The following RASA2 variants were observed in gnomAD, a reference collection of about 807,000 sequenced individuals.
The protein encoded by RASA2 is ras GTPase-activating protein 2.
RASA2 carries 155 observed loss-of-function variants against 118.2 expected under a neutral mutation model. That is an observed-to-expected ratio of 1.31 (90% CI 1.15 to 1.50). RASA2 has a LOEUF of 1.50. RASA2 is among the 40% of genes most tolerant of loss of function. The probability of loss-of-function intolerance (pLI) is 0.00; values close to 1 mark genes in which losing one functional copy is unlikely to be tolerated. For synonymous variants in RASA2, 353 were observed against 349.1 expected, an observed-to-expected ratio of 1.01 and a Z score of -0.12; for missense variants, 1,016 against 1,009.6, an observed-to-expected ratio of 1.01 and a Z score of -0.09.
intron 4 of RASA2, among the ~76,000 whole-genome samples, chr3:141,531,266 T>G (rs1417516591): frequency 2.6e-5 from 4 of 151,906 alleles, no homozygotes; most frequent in African/African-American, 9.7e-5. Context: ...AACTCATAAA[T>G]TTTGTGAATT....
Position 141,512,368 on chromosome 3 carries a change from C to A in RASA2, c.251+88C>A, listed in dbSNP as rs2081964974. 8.4e-6 allele frequency: 8 copies of A among 952,924 alleles called. No individual in the cohort carries two copies. The Admixed American group carries it at 1.6e-4, about 19-fold the overall frequency. The allele number at this position is 952,924 out of a possible 1,614,324, so 59.0% of individuals were successfully genotyped here. ...TTCCAGATTATAATAATCAAGAAGA[C>A]AAGACAGAAACAGTGCTTGCTTTCA... is the stretch of plus-strand genomic sequence containing the variant. On this transcript the variant is annotated intron_variant, in intron 2 of 23. Coordinates refer to ENST00000286364, the MANE Select transcript of RASA2 (RefSeq NM_006506.5).
intron 19 of RASA2, among the ~76,000 whole-genome samples, chr3:141,596,757 C>T (rs529575969): frequency 7.9e-5 from 12 of 152,260 alleles, no homozygotes; most frequent in African/African-American, 2.9e-4. Flanking sequence ...CCATTTCACA[C>T]CAACTAGAGT....
intron 3 of RASA2, among the ~76,000 whole-genome samples, chr3:141,527,890 A>T (rs1412783374): frequency 6.6e-6 from 1 of 151,992 alleles, no homozygotes; most frequent in Non-Finnish European, 1.5e-5. Flanking sequence ...AAATTTAACC[A>T]AAAAAGAACT....
At chr3:141,596,206 T>C (rs558879179) in intron 19 of RASA2, among the ~76,000 whole-genome samples, 45 of 152,166 alleles carry the variant, frequency 3.0e-4, no homozygotes, top group Non-Finnish European at 5.9e-4. Context: ...AATGACAATA[T>C]GATACCTGGA....
At chr3:141,520,701 T>C (rs929167900) in intron 3 of RASA2, among the ~76,000 whole-genome samples, 1 of 152,204 alleles carries the variant, frequency 6.6e-6, no homozygotes, top group Non-Finnish European at 1.5e-5. Context: ...CAGATATATA[T>C]ACACACACAG....
At chr3:141,500,654 TACTC>T (rs2081765564) in intron 1 of RASA2, among the ~76,000 whole-genome samples, 1 of 152,238 alleles carries the variant, frequency 6.6e-6, no homozygotes, top group Non-Finnish European at 1.5e-5. Context: ...GCAGTAGTGA[TACTC>T]ATAAAGTATC....
In RASA2 at chr3:141,590,524, C is replaced by G. The variant is rs111458113; in HGVS notation, c.1933+3772C>G. On this transcript the variant is annotated intron_variant, in intron 19 of 23. Coordinates refer to ENST00000286364, the MANE Select transcript of RASA2 (RefSeq NM_006506.5). Reference sequence around the variant, plus strand: ...ATTAAAAGGCTTTGAATGAAAACGTCAGGACTTTCTCCTGTAAATAAAATA... The same window carrying G: ...ATTAAAAGGCTTTGAATGAAAACGTGAGGACTTTCTCCTGTAAATAAAATA... Among the ~76,000 whole-genome samples, 780 of 152,316 alleles carry G rather than the reference C, an allele frequency of 5.1e-3. 8 individuals are homozygous for G. The highest frequency in any genetic ancestry group is 0.018 in the African/African-American group (746 of 41,556).
intron 5 of RASA2, among the ~76,000 whole-genome samples, chr3:141,547,620 A>G (rs2082505095): frequency 6.6e-6 from 1 of 152,160 alleles, no homozygotes; most frequent in Non-Finnish European, 1.5e-5. Context: ...GGTTTTTTCC[A>G]AATAAGATCA....
chr3:141,515,614 T>C (rs1204567518), intron 2 of RASA2, among the ~76,000 whole-genome samples: 1 of 152,076 alleles, frequency 6.6e-6, no homozygotes, highest in East Asian at 1.9e-4. Context: ...GAAAGTGATA[T>C]TATTTGGCCA....
intron 1 of RASA2, among the ~76,000 whole-genome samples, chr3:141,488,483 C>T (rs566950741): frequency 2.0e-5 from 3 of 152,052 alleles, no homozygotes; most frequent in Non-Finnish European, 4.4e-5. Flanking sequence ...TCAGGTGGTT[C>T]ACGTATTTGG....
At position 141,552,992 on chromosome 3, in the gene RASA2, C is replaced by G. The variant is rs111507221; in HGVS notation, c.528-865C>G. Among the ~76,000 whole-genome samples the G allele has an allele frequency of 6.4e-3, 971 of 152,238 alleles. 13 individuals are homozygous for G. Among genetic ancestry groups the G allele is most frequent in the African/African-American group, 0.022 (933 of 41,550 alleles). Reference sequence around the variant, plus strand: ...AGGAACAAATCACTAAAGTTAGATTCTGTGTTCTCTGTAAATGCCAACAAC... The same window carrying G: ...AGGAACAAATCACTAAAGTTAGATTGTGTGTTCTCTGTAAATGCCAACAAC... On this transcript the variant is annotated intron_variant, in intron 5 of 23. Coordinates refer to ENST00000286364, the MANE Select transcript of RASA2 (RefSeq NM_006506.5).
intron 9 of RASA2, among the ~76,000 whole-genome samples, chr3:141,564,452 A>G (rs1200411410): frequency 6.6e-6 from 1 of 152,312 alleles, no homozygotes; most frequent in Non-Finnish European, 1.5e-5. Context: ...TTAGTTCAAT[A>G]GGAGGAAAAG....
intron 23 of RASA2, among the ~76,000 whole-genome samples, chr3:141,610,642 C>A (rs898071417): frequency 1.3e-4 from 19 of 150,652 alleles, no homozygotes; most frequent in African/African-American, 4.6e-4. Context: ...AAGTGTACAC[C>A]ACTGTGCCCA....
intron 2 of RASA2, among the ~76,000 whole-genome samples, chr3:141,513,152 G>C (rs2081977580): frequency 6.7e-6 from 1 of 149,724 alleles, no homozygotes; most frequent in Admixed American, 6.6e-5. Context: ...TGAATGCCAT[G>C]CCTTATCTGA....
At chr3:141,554,642 A>G (rs746819492) in intron 6 of RASA2, among the ~76,000 whole-genome samples, 10 of 152,204 alleles carry the variant, frequency 6.6e-5, no homozygotes, top group Non-Finnish European at 1.5e-4. Context: ...ACATACATGC[A>G]TACATACACA....
intron 5 of RASA2, among the ~76,000 whole-genome samples, chr3:141,540,906 A>G (rs2082396175): frequency 6.6e-6 from 1 of 152,104 alleles, no homozygotes; most frequent in Non-Finnish European, 1.5e-5. Context: ...AGGCTTCCCA[A>G]AGAAGGTCCT....
chr3:141,593,181 GAGATTA>G (rs1162347931), intron 19 of RASA2, among the ~76,000 whole-genome samples: 2 of 152,092 alleles, frequency 1.3e-5, no homozygotes, highest in Non-Finnish European at 2.9e-5. Flanking sequence ...CCCAGTAGCT[GAGATTA>G]CAGGCATGCA....
intron 18 of RASA2, among the ~76,000 whole-genome samples, 172 bp from the exon 19 acceptor site, chr3:141,586,474 T>A (rs528060094): frequency 1.6e-4 from 24 of 152,354 alleles, no homozygotes; most frequent in African/African-American, 5.5e-4. Flanking sequence ...AAGACCTTAT[T>A]CCTTTAGTGT....
intron 19 of RASA2, among the ~76,000 whole-genome samples, chr3:141,603,162 C>A (rs758595706): frequency 1.8e-4 from 27 of 152,200 alleles, no homozygotes; most frequent in Non-Finnish European, 2.9e-4. Context: ...TTTTATACAC[C>A]CATCTTTCTT....
Sources: gnomAD v4.1 joint callset for allele counts (sites outside exome capture counted in the v4.1 genomes callset) on GRCh38, gnomAD v4.1.1 for gene constraint, MANE v1.5 for transcripts, NCBI Gene and HGNC (gene_info 2026-07-23, HGNC 2026-07-21) for gene names.